The following VPS52 variants were observed in gnomAD, a reference collection of about 807,000 sequenced individuals.
The protein encoded by VPS52 is VPS52 subunit of GARP complex.
A neutral mutation model predicts 98.7 loss-of-function variants in VPS52; 56 were observed. The ratio of observed to expected loss-of-function variants is 0.57; its 90% CI spans 0.46 to 0.71. The LOEUF is 0.71. Ranked by LOEUF, VPS52 falls within the 30% of genes least tolerant of loss-of-function variation. The pLI is 0.00. For synonymous variants in VPS52, 348 were observed against 346.4 expected, an observed-to-expected ratio of 1.00 and a Z score of -0.05; for missense variants, 742 against 925.9, an observed-to-expected ratio of 0.80 and a Z score of 2.58.
Position 33,251,518 on chromosome 6 carries a change from C to A in VPS52, c.2025G>T (p.Gln675His). 1 of 1,600,654 alleles carries A rather than the reference C, an allele frequency of 6.2e-7. No homozygotes were observed. The highest frequency in any genetic ancestry group is 8.6e-7 in the Non-Finnish European group (1 of 1,169,494). ...GTGGGGCCTGGGACTTGCAGGTCACCTGAATGATACTGGTGCCATTTCTGA... is the reference window on the plus strand; with the variant it reads ...GTGGGGCCTGGGACTTGCAGGTCACATGAATGATACTGGTGCCATTTCTGA... ...TNFRNGTSII[Q>H]GALTQLIQLY... Residue 675 changes from glutamine (Q) to histidine (H), a missense_variant and splice_region_variant, in exon 19 of 20, where the codon CAG (glutamine) becomes CAT (histidine). By Grantham distance (24) the Gln-to-His change is conservative. Coordinates refer to ENST00000445902, the MANE Select transcript of VPS52 (RefSeq NM_022553.6).
rs1257140953 is a variant in VPS52 at position 33,268,173 on chromosome 6, C to T, written c.735G>A (p.Lys245=). The part of the protein sequence containing the change: ...VTKIREFILQ[K]IYSFRKPMTN... ...TCATGGGTTTCCTGAAGGAATAAAT[C>T]TTCTGGAGGATAAACTCTCGGATCT... The change falls in exon 8 of 20, where the codon AAG becomes AAA. Residue 245 remains lysine (K), a synonymous_variant. Coordinates refer to ENST00000445902, the MANE Select transcript of VPS52 (RefSeq NM_022553.6). This position sits in a 1 kb window ranked among gnomAD's most constrained non-coding sequence, Gnocchi z 4.0. 6.2e-7 allele frequency: 1 copy of T among 1,613,074 alleles called. No homozygotes were observed. The highest frequency in any genetic ancestry group is 1.7e-5 in the Admixed American group (1 of 60,028).
chr6:33,257,626 C>T (rs527392204), intron 17 of VPS52, among the ~76,000 whole-genome samples: 27 of 151,930 alleles, frequency 1.8e-4, no homozygotes, highest in Middle Eastern at 3.4e-3. Context: ...GTCTCGATCC[C>T]GTGACCTCGT....
chr6:33,258,608 A>T lies in VPS52; in HGVS notation c.1794+4876T>A, dbSNP rs141352849. Among the ~76,000 whole-genome samples the T allele has an allele frequency of 7.8e-3, 1,182 of 152,276 alleles. 16 individuals carry two copies. Among genetic ancestry groups the T allele is most frequent in the Middle Eastern group, 0.041 (12 of 294 alleles). ...CTTATTTTTTTCTTTATTTTTTGAG[A>T]GAGTCACGCTCTGTAACTGAGGCTG... On this transcript the variant is annotated intron_variant, in intron 17 of 19. Transcript: ENST00000445902.
Position 33,269,795 on chromosome 6 carries a change from T to G in VPS52, c.253A>C (p.Lys85Gln), listed in dbSNP as rs1419240897. 2 of 1,611,002 alleles carry G rather than the reference T, an allele frequency of 1.2e-6. No homozygotes were observed. The highest frequency in any genetic ancestry group is 1.7e-6 in the Non-Finnish European group (2 of 1,179,030). The change falls in exon 4 of 20, where the codon AAG (lysine) becomes CAG (glutamine). Residue 85 changes from lysine to glutamine, a missense_variant. This residue lies in a region of VPS52 where 152 missense variants were observed against 132.6 expected (regional missense o/e 1.15). Transcript: ENST00000445902. The stretch of plus-strand genomic sequence containing the variant: ...TGCTGTAGCTCCAGCTCAACTTGCT[T>G]TGAATAGTGACGGAGATCTACACCC... The part of the protein sequence containing the change: ...KTGVDLRHYS[K>Q]QVELELQQIE...
At chr6:33,258,359 C>A (rs548744148) in intron 17 of VPS52, among the ~76,000 whole-genome samples, 1 of 143,186 alleles carries the variant, frequency 7.0e-6, no homozygotes, top group Non-Finnish European at 1.5e-5. Flanking sequence ...GCACTCCAGC[C>A]TCGGCAACAT....
At position 33,269,118 on chromosome 6, in the gene VPS52, C is replaced by A. The variant is rs1764687930; in HGVS notation, c.444G>T (p.Gln148His). 6.2e-7 allele frequency: 1 copy of A among 1,613,010 alleles called. No individual in the cohort carries two copies. Residue 148 changes from glutamine to histidine, a missense_variant, in exon 6 of 20, where the codon CAG (glutamine) becomes CAT (histidine). Gln to His is a conservative substitution (Grantham distance 24). This residue lies in a region of VPS52 where 590 missense variants were observed against 793.3 expected (regional missense o/e 0.74). Transcript: ENST00000445902. ...GAATGTTCATGGCTCCTGACTGTTC[C>A]TGCAGTGTCCGGATCTCAGAGCTGA... The part of the protein sequence containing the change: ...SSISSEIRTL[Q>H]EQSGAMNIRL...
At position 33,263,910 on chromosome 6, in the gene VPS52, A is replaced by C. The variant is rs760144016; in HGVS notation, c.1621-31T>G. On this transcript the variant is annotated intron_variant, in intron 15 of 19. Coordinates refer to ENST00000445902, the MANE Select transcript of VPS52 (RefSeq NM_022553.6). Reference sequence around the variant, plus strand: ...AAGGCAGAGAGGAAGAGGTGACACCAGAAAGCAAGGTCATCTGGGCCCCAT... The same window carrying C: ...AAGGCAGAGAGGAAGAGGTGACACCCGAAAGCAAGGTCATCTGGGCCCCAT... 6 of 1,614,014 alleles carry C rather than the reference A, an allele frequency of 3.7e-6. No individual in the cohort carries two copies. The South Asian group carries it at 5.5e-5, about 15-fold the overall frequency.
chr6:33,270,285 T>C lies in VPS52; in HGVS notation c.91-2A>G. 6.2e-7 allele frequency: 1 copy of C among 1,610,514 alleles called. No individual in the cohort carries two copies. Among genetic ancestry groups the C allele is most frequent in the Non-Finnish European group, 8.5e-7 (1 of 1,177,076 alleles). ...TTCCTGGAGCCCAGGACCACCCGCC[T>C]GGAAAGGGATAAGTTAATGGGAGTA... On this transcript the variant is annotated splice_acceptor_variant, in intron 1 of 19. Coordinates refer to ENST00000445902, the MANE Select transcript of VPS52 (RefSeq NM_022553.6). LOFTEE classifies it high-confidence loss of function.
intron 4 of VPS52, 79 bp downstream of exon 4, chr6:33,269,665 C>T: frequency 1.9e-6 from 3 of 1,569,256 alleles, no homozygotes; most frequent in Non-Finnish European, 2.6e-6. Context: ...GAGATGTTGA[C>T]CCCAGCTGGG....
intron 5 of VPS52, 101 bp downstream of exon 5, chr6:33,269,389 C>G (rs1476348239): frequency 2.0e-6 from 3 of 1,523,668 alleles, no homozygotes; most frequent in Non-Finnish European, 2.7e-6. Context: ...GAAAATGACC[C>G]TAACCTGTCC....
At chr6:33,251,476 A>C in intron 19 of VPS52, 42 bp downstream of exon 19, 1 of 1,313,426 alleles carries the variant, frequency 7.6e-7, no homozygotes, top group Non-Finnish European at 1.1e-6. Context: ...GAAAATAATT[A>C]ATGATGGGGG....
rs570107007 is a variant in VPS52, at chr6:33,250,905, C to G, written c.2108G>C (p.Arg703Pro). The G allele has an allele frequency of 1.2e-6, 2 of 1,613,040 alleles. No individual in the cohort carries two copies. Among genetic ancestry groups the G allele is most frequent in the Admixed American group, 1.7e-5 (1 of 60,008 alleles). Residue 703 changes from arginine (R) to proline (P), a missense_variant, in exon 20 of 20, where the codon CGG becomes CCG. Arg to Pro is a moderately radical substitution (Grantham distance 103). This residue lies in a region of VPS52 where 590 missense variants were observed against 793.3 expected (regional missense o/e 0.74). Coordinates refer to ENST00000445902, the MANE Select transcript of VPS52 (RefSeq NM_022553.6). The part of the protein sequence containing the change: ...SQPQLRALPA[R>P]AELINIHHLM... Reference sequence around the variant, plus strand: ...GTGGTGAATGTTGATGAGCTCAGCCCGGGCAGGGAGGGCTCGGAGCTGCGG... The same window carrying G: ...GTGGTGAATGTTGATGAGCTCAGCCGGGGCAGGGAGGGCTCGGAGCTGCGG...
At position 33,268,647 on chromosome 6, in the gene VPS52, G is replaced by T. The variant is rs761091888; in HGVS notation, c.551C>A (p.Ala184Glu). The T allele has an allele frequency of 3.1e-6, 5 of 1,600,320 alleles. No homozygotes were observed. Among genetic ancestry groups the T allele is most frequent in the Non-Finnish European group, 4.2e-6 (5 of 1,177,460 alleles). Residue 184 changes from alanine to glutamate, a missense_variant and splice_region_variant, in exon 7 of 20, where the codon GCA (alanine) becomes GAA (glutamate). Coordinates refer to ENST00000445902, the MANE Select transcript of VPS52 (RefSeq NM_022553.6). The surrounding 1 kb of genome is among the most constrained non-coding windows in gnomAD (Gnocchi z 4.0). The part of the protein sequence containing the change: ...GLVVPSALVT[A>E]ILEAPVTEPR... ...CTCTGTCACTGGAGCCTCCAGAATTGCCCTGGTTAGCAGGGAGGGGTGGGA... is the reference window on the plus strand; with the variant it reads ...CTCTGTCACTGGAGCCTCCAGAATTTCCCTGGTTAGCAGGGAGGGGTGGGA...
At position 33,268,095 on chromosome 6, in the gene VPS52, T is replaced by C. The variant is rs1764560962; in HGVS notation, c.800+13A>G. 1.2e-6 allele frequency: 2 copies of C among 1,612,942 alleles called. No individual in the cohort carries two copies. Among genetic ancestry groups the C allele is most frequent in the South Asian group, 1.1e-5 (1 of 91,084 alleles). On this transcript the variant is annotated intron_variant, in intron 8 of 19. Coordinates refer to ENST00000445902, the MANE Select transcript of VPS52 (RefSeq NM_022553.6). The surrounding 1 kb of genome is among the most constrained non-coding windows in gnomAD (Gnocchi z 4.0). ...CTCAAAGGCCATCCCATGCACTTCC[T>C]TGGGGTTGTGACCTGTACTTCAGCA...
At chr6:33,251,770 C>G in intron 18 of VPS52, 90 bp downstream of exon 18, 4 of 1,460,804 alleles carry the variant, frequency 2.7e-6, no homozygotes, top group Middle Eastern at 1.7e-4. Context: ...CTTTCATACT[C>G]TATTCCCCCA....
chr6:33,267,629 A>G lies in VPS52; in HGVS notation c.991+53T>C. ...AGCAGTGCATTGGTGGCTGGAGTCG[A>G]AAGTCCTCCCACTCTCAAGGCCTGG... On this transcript the variant is annotated intron_variant, in intron 10 of 19. Coordinates refer to ENST00000445902, the MANE Select transcript of VPS52 (RefSeq NM_022553.6). This position sits in a 1 kb window ranked among gnomAD's most constrained non-coding sequence, Gnocchi z 4.2. 2 of 1,604,952 alleles carry G rather than the reference A, an allele frequency of 1.2e-6. No homozygotes were observed. Among genetic ancestry groups the G allele is most frequent in the South Asian group, 2.2e-5 (2 of 90,674 alleles).
Position 33,267,910 on chromosome 6 carries a change from G to A in VPS52, c.888C>T (p.Tyr296=). 6.2e-7 allele frequency: 1 copy of A among 1,613,072 alleles called. No homozygotes were observed. Among genetic ancestry groups the A allele is most frequent in the South Asian group, 1.1e-5 (1 of 91,072 alleles). Residue 296 remains tyrosine, a synonymous_variant, in exon 9 of 20, where the codon TAC becomes TAT. Coordinates refer to ENST00000445902, the MANE Select transcript of VPS52 (RefSeq NM_022553.6). This position sits in a 1 kb window ranked among gnomAD's most constrained non-coding sequence, Gnocchi z 4.2. ...CCAGGTAAGAGCGGTAGTAAGACAG[G>A]TAAATCTTGCTCAGCGTCTCCACAT... ...DEYVETLSKI[Y]LSYYRSYLGR... is the part of the protein sequence containing the mutation.
At position 33,268,642 on chromosome 6, in the gene VPS52, G is replaced by C; in HGVS notation, c.556C>G (p.Leu186Val). The C allele has an allele frequency of 1.2e-6, 2 of 1,603,108 alleles. No homozygotes were observed. The highest frequency in any genetic ancestry group is 1.7e-6 in the Non-Finnish European group (2 of 1,178,412). The change falls in exon 7 of 20, where the codon CTG becomes GTG. Residue 186 changes from leucine (L) to valine (V), a missense_variant. Coordinates refer to ENST00000445902, the MANE Select transcript of VPS52 (RefSeq NM_022553.6). The surrounding 1 kb of genome is among the most constrained non-coding windows in gnomAD (Gnocchi z 4.0). The part of the protein sequence containing the change: ...VVPSALVTAI[L>V]EAPVTEPRFL... The stretch of plus-strand genomic sequence containing the variant: ...CTGGGCTCTGTCACTGGAGCCTCCA[G>C]AATTGCCCTGGTTAGCAGGGAGGGG...
chr6:33,256,463 CAAAAAAAA>C (rs9280385), intron 17 of VPS52, among the ~76,000 whole-genome samples: 147 of 83,540 alleles, frequency 1.8e-3, no homozygotes, highest in African/African-American at 6.9e-3. Flanking sequence ...AAACCTGTCT[CAAAAAAAA>C]AAAAAAAAAA....
Sources: allele counts gnomAD v4.1 joint callset (sites outside exome capture counted in the v4.1 genomes callset), GRCh38; gene constraint gnomAD v4.1.1; regional missense constraint gnomAD v4.1.1; non-coding constraint Gnocchi (gnomAD v3.1); transcripts MANE v1.5; gene names NCBI Gene and HGNC (gene_info 2026-07-23, HGNC 2026-07-21).